EVC: variants seen among roughly 807,000 people sequenced by gnomAD.
EVC encodes the protein evC complex member EVC.
In EVC, 116 loss-of-function variants were observed where a neutral mutation model predicts 118.9. The ratio of observed to expected loss-of-function variants is 0.98; its 90% CI spans 0.84 to 1.14. The LOEUF is 1.14. Among genes scored for constraint, EVC ranks in the 50% most tolerant of loss-of-function variants. EVC has a pLI of 0.00. For missense variants in EVC, 1,401 were observed against 1,246.4 expected, an observed-to-expected ratio of 1.12 and a Z score of -1.87; for synonymous variants, 619 against 534.7, an observed-to-expected ratio of 1.16 and a Z score of -2.18.
intron 11 of EVC, among the ~76,000 whole-genome samples, chr4:5,761,675 A>G (rs1166612638): frequency 2.6e-5 from 4 of 151,934 alleles, no homozygotes; most frequent in Non-Finnish European, 4.4e-5. Context: ...CTGGGAAGAT[A>G]AGCCAGCCGT....
Position 5,753,034 on chromosome 4 carries a change from G to A in EVC, c.1297G>A (p.Ala433Thr). 2 of 1,603,866 alleles carry A rather than the reference G, an allele frequency of 1.2e-6. No homozygotes were observed. Among genetic ancestry groups the A allele is most frequent in the Non-Finnish European group, 1.7e-6 (2 of 1,175,736 alleles). Residue 433 changes from alanine (A) to threonine (T), a missense_variant, in exon 9 of 21, where the codon GCA becomes ACA. Ala to Thr is a moderately conservative substitution (Grantham distance 58). Transcript: ENST00000264956. ...GCAGCACAAGGCCTTCTGGCAGGAGGCAGAGCGCTTCAGCCGGGGTGAGCC... is the reference window on the plus strand; with the variant it reads ...GCAGCACAAGGCCTTCTGGCAGGAGACAGAGCGCTTCAGCCGGGGTGAGCC... Reference protein sequence around the residue: ...TQQHKAFWQEAERFSREFVQR... With the variant: ...TQQHKAFWQETERFSREFVQR...
At chr4:5,759,803 G>C (rs1030317373) in intron 11 of EVC, among the ~76,000 whole-genome samples, 2 of 152,226 alleles carry the variant, frequency 1.3e-5, no homozygotes, top group Admixed American at 1.3e-4. Context: ...TGCCAAGGTT[G>C]AGGCTGCGCG....
At chr4:5,800,516 G>A (rs1047812630) in intron 15 of EVC, among the ~76,000 whole-genome samples, 4 of 152,100 alleles carry the variant, frequency 2.6e-5, no homozygotes, top group African/African-American at 9.7e-5. Flanking sequence ...GAGAAGGGGT[G>A]GCCAAGGATG....
In EVC at chr4:5,796,934, C is replaced by T. The variant is rs905821753; in HGVS notation, c.1887-88C>T. 4.0e-5 allele frequency: 41 copies of T among 1,013,782 alleles called. No homozygotes were observed. In the South Asian group the frequency reaches 5.3e-4, roughly 13 times the overall value. 62.8% of individuals were successfully genotyped at this position (1,013,782 alleles called of 1,614,324 possible). Reference sequence around the variant, plus strand: ...AACCTGCTTCCTTTTGGAGGGGCCTCTTGTGGGCTGTGGCTGTTTGGGGAG... The same window carrying T: ...AACCTGCTTCCTTTTGGAGGGGCCTTTTGTGGGCTGTGGCTGTTTGGGGAG... On this transcript the variant is annotated intron_variant, in intron 13 of 20. Transcript: ENST00000264956.
At chr4:5,827,415 C>T in the EVC span, among the ~76,000 whole-genome samples, 1 of 152,180 alleles carries the variant, frequency 6.6e-6, no homozygotes, top group Non-Finnish European at 1.5e-5. Context: ...TGTCTTTGAC[C>T]TGGTGCTACA....
At chr4:5,818,438 T>C (rs901069250), downstream of EVC, among the ~76,000 whole-genome samples, 5 of 152,060 alleles carry the variant, frequency 3.3e-5, no homozygotes, top group East Asian at 1.9e-4. Context: ...TGTCGATAGG[T>C]TGAAATTGGC....
At chr4:5,744,806 C>G (rs1729106034) in intron 6 of EVC, among the ~76,000 whole-genome samples, 1 of 152,132 alleles carries the variant, frequency 6.6e-6, no homozygotes, top group Non-Finnish European at 1.5e-5. Context: ...ACCAACCAAT[C>G]AAATACACAC....
At chr4:5,745,077 G>T in intron 6 of EVC, 127 bp from the exon 7 acceptor site, 1 of 887,372 alleles carries the variant, frequency 1.1e-6, no homozygotes, top group Non-Finnish European at 1.7e-6. Flanking sequence ...AACCCCCAGA[G>T]CATTTAACTA....
Position 5,737,925 on chromosome 4 carries a change from G to C in EVC, c.703-3791G>C, listed in dbSNP as rs1727946849. Among the ~76,000 whole-genome samples, 1 of 152,128 alleles carries C rather than the reference G, an allele frequency of 6.6e-6. No homozygotes were observed. Among genetic ancestry groups the C allele is most frequent in the South Asian group, 2.1e-4 (1 of 4,822 alleles). On this transcript the variant is annotated intron_variant, in intron 5 of 20. Coordinates refer to ENST00000264956, the MANE Select transcript of EVC (RefSeq NM_153717.3). The surrounding 1 kb of genome is among the most constrained non-coding windows in gnomAD (Gnocchi z 5.0). ...AAATACATTTCCTAAGGCTCTAACTGCCATACATAGTGATTCCTCTGAAGG... is the reference window on the plus strand; with the variant it reads ...AAATACATTTCCTAAGGCTCTAACTCCCATACATAGTGATTCCTCTGAAGG...
intron 1 of EVC, among the ~76,000 whole-genome samples, chr4:5,716,567 T>C (rs1385064076): frequency 6.6e-6 from 1 of 152,124 alleles, no homozygotes; most frequent in African/African-American, 2.4e-5. Flanking sequence ...ATCCTCAGAG[T>C]GGATCCATTG....
intron 13 of EVC, among the ~76,000 whole-genome samples, chr4:5,794,370 T>A (rs1370716161): frequency 7.0e-6 from 1 of 143,252 alleles, no homozygotes; most frequent in Non-Finnish European, 1.5e-5. Flanking sequence ...TATTTATATT[T>A]ATATACATAT....
At position 5,745,285 on chromosome 4, in the gene EVC, A is replaced by G; in HGVS notation, c.883A>G (p.Thr295Ala). Residue 295 changes from threonine to alanine, a missense_variant, in exon 7 of 21, where the codon ACC becomes GCC. By Grantham distance (58) the Thr-to-Ala change is moderately conservative (BLOSUM62 0). Coordinates refer to ENST00000264956, the MANE Select transcript of EVC (RefSeq NM_153717.3). ...MSGAGDSEYI[T>A]LADVEKKERE... ...GGGGGCTGGTGACTCTGAGTACATC[A>G]CCCTGGCTGATGTGGAAAAGAAGGA... 1 of 1,613,964 alleles carries G rather than the reference A, an allele frequency of 6.2e-7. No individual in the cohort carries two copies. Among genetic ancestry groups the G allele is most frequent in the Non-Finnish European group, 8.5e-7 (1 of 1,179,928 alleles).
Position 5,737,634 on chromosome 4 carries a change from G to C in EVC, c.703-4082G>C, listed in dbSNP as rs896515936. Among the ~76,000 whole-genome samples the C allele has an allele frequency of 1.3e-5, 2 of 152,162 alleles. No individual in the cohort carries two copies. Among genetic ancestry groups the C allele is most frequent in the Non-Finnish European group, 2.9e-5 (2 of 68,036 alleles). On this transcript the variant is annotated intron_variant, in intron 5 of 20. Coordinates refer to ENST00000264956, the MANE Select transcript of EVC (RefSeq NM_153717.3). This position sits in a 1 kb window ranked among gnomAD's most constrained non-coding sequence, Gnocchi z 5.0. Reference sequence around the variant, plus strand: ...TTAAGGGTGATGCTAAATCTACTCTGCCTGTGCTCTATAAGTGGAACAACA... The same window carrying C: ...TTAAGGGTGATGCTAAATCTACTCTCCCTGTGCTCTATAAGTGGAACAACA...
chr4:5,729,101 C>T (rs992727461), intron 2 of EVC, among the ~76,000 whole-genome samples: 1 of 152,070 alleles, frequency 6.6e-6, no homozygotes, highest in Admixed American at 6.6e-5. Flanking sequence ...TTCACCCATC[C>T]ATCCATCTAT....
At chr4:5,825,690 C>T in the EVC span, 47 of 1,607,232 alleles carry the variant, frequency 2.9e-5, no homozygotes, top group South Asian at 1.6e-4. The surrounding 1 kb of genome is among the most constrained non-coding windows in gnomAD (Gnocchi z 4.4). Context: ...TGTGATTGAT[C>T]GACACTGTGC....
intron 2 of EVC, among the ~76,000 whole-genome samples, chr4:5,720,303 A>C (rs1724734689): frequency 6.6e-6 from 1 of 152,114 alleles, no homozygotes; most frequent in South Asian, 2.1e-4. Flanking sequence ...CCCTTCTCTC[A>C]GCAGCCACGT....
chr4:5,718,333 T>C (rs1045754764), intron 1 of EVC, among the ~76,000 whole-genome samples: 1 of 152,158 alleles, frequency 6.6e-6, no homozygotes, highest in African/African-American at 2.4e-5. Flanking sequence ...ATTTTTAATT[T>C]ATTAACATTG....
At chr4:5,788,167 CA>C (rs980077801) in intron 12 of EVC, among the ~76,000 whole-genome samples, 4 of 152,174 alleles carry the variant, frequency 2.6e-5, no homozygotes, top group African/African-American at 9.7e-5. Context: ...TGCTGTGTAA[CA>C]AGTAACCCCC....
At chr4:5,807,535 G>A (rs917763366) in intron 17 of EVC, among the ~76,000 whole-genome samples, 1 of 152,154 alleles carries the variant, frequency 6.6e-6, no homozygotes, top group African/African-American at 2.4e-5. Flanking sequence ...ATGGAAACAG[G>A]GTGGCTGGAT....
Sources: allele counts gnomAD v4.1 joint callset (sites outside exome capture counted in the v4.1 genomes callset), GRCh38; gene constraint gnomAD v4.1.1; non-coding constraint Gnocchi (gnomAD v3.1); transcripts MANE v1.5; gene names NCBI Gene and HGNC (gene_info 2026-07-23, HGNC 2026-07-21).